Variants in GPM6A observed in about 807,000 individuals in gnomAD.
GPM6A encodes glycoprotein M6A, also known as neuronal membrane glycoprotein M6-a.
A neutral mutation model predicts 32.1 loss-of-function variants in GPM6A; 7 were observed. The observed-to-expected ratio is 0.22, with a 90% CI of 0.12 to 0.41. The LOEUF is 0.41. Among genes scored for constraint, GPM6A ranks in the 10% least tolerant of loss-of-function variants. The pLI is 1.00. For synonymous variants in GPM6A, 130 were observed against 123.4 expected (o/e 1.05, Z -0.35); for missense variants, 235 against 347.2 (o/e 0.68, Z 2.57).
At chr4:175,963,371 T>TTCAAAATGCAGAAAA (rs1554005421) in intron 1 of GPM6A, among the ~76,000 whole-genome samples, 5 of 151,826 alleles carry the variant, frequency 3.3e-5, no homozygotes, top group African/African-American at 1.2e-4. Flanking sequence ...GCAAACCATA[T>TTCAAAATGCAGAAAA]TCAAAAACAC....
At chr4:175,946,939 A>T (rs1415096794) in intron 1 of GPM6A, among the ~76,000 whole-genome samples, 1 of 152,146 alleles carries the variant, frequency 6.6e-6, no homozygotes, top group African/African-American at 2.4e-5. Context: ...ACTGGAGATT[A>T]CTGCTGTACT....
intron 1 of GPM6A, among the ~76,000 whole-genome samples, chr4:175,721,200 G>T (rs1206800986): frequency 6.9e-6 from 1 of 145,410 alleles, no homozygotes; most frequent in Non-Finnish European, 1.5e-5. Flanking sequence ...TCTAGGCCAG[G>T]CACAGTGGCT....
intron 2 of GPM6A, among the ~76,000 whole-genome samples, chr4:175,695,437 C>A (rs992821471): frequency 3.9e-5 from 6 of 152,182 alleles, no homozygotes; most frequent in African/African-American, 9.7e-5. Flanking sequence ...GGGGCCCAAC[C>A]TTTGCAGTGT....
At chr4:175,648,380 A>G (rs1223077866) in intron 4 of GPM6A, among the ~76,000 whole-genome samples, 1 of 152,198 alleles carries the variant, frequency 6.6e-6, no homozygotes, top group Admixed American at 6.5e-5. Context: ...TTAAGCTTGC[A>G]GAATTGTCAG....
At chr4:175,963,843 T>C (rs1427255017) in intron 1 of GPM6A, among the ~76,000 whole-genome samples, 1 of 152,140 alleles carries the variant, frequency 6.6e-6, no homozygotes, top group East Asian at 1.9e-4. Context: ...ACACCAATGT[T>C]ATAAGAGATA....
At chr4:175,885,925 T>A in intron 1 of GPM6A, among the ~76,000 whole-genome samples, 1 of 152,100 alleles carries the variant, frequency 6.6e-6, no homozygotes, top group Non-Finnish European at 1.5e-5. Context: ...ACAGACCACA[T>A]AAGAAATTTA....
chr4:175,976,328 A>ATTTTTTTTTTTTTTTTTTT (rs34163669), intron 1 of GPM6A, among the ~76,000 whole-genome samples: 5 of 137,350 alleles, frequency 3.6e-5, no homozygotes, highest in African/African-American at 1.2e-4. Context: ...CGCCTGGCTA[A>ATTTTTTTTTTTTTTTTTTT]TTTTTTTTTT....
intron 1 of GPM6A, among the ~76,000 whole-genome samples, chr4:175,773,152 G>T (rs1291657671): frequency 6.6e-6 from 1 of 152,142 alleles, no homozygotes; most frequent in Non-Finnish European, 1.5e-5. Flanking sequence ...ATGTTGACAG[G>T]CTGCAGTGCA....
intron 1 of GPM6A, among the ~76,000 whole-genome samples, chr4:175,771,253 C>T (rs1012077562): frequency 1.3e-5 from 2 of 152,028 alleles, no homozygotes; most frequent in South Asian, 2.1e-4. Flanking sequence ...TGTTTTAGTG[C>T]GTTCCATGCT....
At chr4:175,946,536 T>C (rs1739612121) in intron 1 of GPM6A, among the ~76,000 whole-genome samples, 1 of 152,134 alleles carries the variant, frequency 6.6e-6, no homozygotes, top group Non-Finnish European at 1.5e-5. Context: ...GTGATGAAGA[T>C]GAACTGTCAA....
chr4:175,745,860 C>T (rs988309733), intron 1 of GPM6A, among the ~76,000 whole-genome samples: 2 of 152,072 alleles, frequency 1.3e-5, no homozygotes, highest in African/African-American at 4.8e-5. Context: ...TTCATGTGAA[C>T]AAGTTTGAGT....
chr4:175,637,842 A>G (rs1298666618), intron 6 of GPM6A, among the ~76,000 whole-genome samples: 2 of 121,632 alleles, frequency 1.6e-5, no homozygotes, highest in Non-Finnish European at 3.2e-5. Flanking sequence ...TATATAATAT[A>G]TAATATAAAA....
At chr4:175,699,422 T>A (rs1744749235) in intron 2 of GPM6A, among the ~76,000 whole-genome samples, 1 of 152,198 alleles carries the variant, frequency 6.6e-6, no homozygotes, top group East Asian at 1.9e-4. Context: ...CTTAAAGGAT[T>A]CAATTTAATG....
chr4:175,967,975 G>A (rs1038422732), intron 1 of GPM6A, among the ~76,000 whole-genome samples: 10 of 152,242 alleles, frequency 6.6e-5, no homozygotes, highest in African/African-American at 2.2e-4. Context: ...CGATGTTGAA[G>A]GAGAAGAACA....
intron 1 of GPM6A, among the ~76,000 whole-genome samples, chr4:175,947,956 T>G (rs368781575): frequency 6.6e-6 from 1 of 152,264 alleles, no homozygotes; most frequent in South Asian, 2.1e-4. Context: ...AATAAAAAGA[T>G]GAATGAAGGA....
At chr4:175,731,966 ATT>A (rs35116129) in intron 1 of GPM6A, among the ~76,000 whole-genome samples, 42 of 123,670 alleles carry the variant, frequency 3.4e-4, no homozygotes, top group South Asian at 1.3e-3. Flanking sequence ...TCCTCACTTC[ATT>A]TTTTTTTTTT....
At chr4:175,731,191 A>G (rs3113481) in intron 1 of GPM6A, among the ~76,000 whole-genome samples, 13,054 of 152,074 alleles carry the variant, frequency 0.086, 861 homozygotes, top group East Asian at 0.29. Flanking sequence ...CTTGGATTTC[A>G]AAACTCTTTG....
intron 1 of GPM6A, among the ~76,000 whole-genome samples, chr4:175,893,135 G>A (rs1203378459): frequency 2.0e-5 from 3 of 152,214 alleles, no homozygotes; most frequent in African/African-American, 7.2e-5. Context: ...ATTGGAGACA[G>A]TGATGGTAAA....
chr4:175,772,330 T>C (rs1034485717), intron 1 of GPM6A, among the ~76,000 whole-genome samples: 1 of 151,904 alleles, frequency 6.6e-6, no homozygotes, highest in African/African-American at 2.4e-5. Context: ...TTGGTTAGAG[T>C]AAAAGCCTCA....
Sources: gnomAD v4.1 joint callset for allele counts (sites outside exome capture counted in the v4.1 genomes callset) on GRCh38, gnomAD v4.1.1 for gene constraint, MANE v1.5 for transcripts, NCBI Gene and HGNC (gene_info 2026-07-23, HGNC 2026-07-21) for gene names.